The following STK38 variants were observed in gnomAD, a reference collection of about 807,000 sequenced individuals.
STK38 encodes serine/threonine-protein kinase 38.
In STK38, 26 loss-of-function variants were observed where a neutral mutation model predicts 59.0. The observed-to-expected ratio is 0.44, with a 90% CI of 0.32 to 0.61. The LOEUF (loss-of-function observed/expected upper bound fraction) is 0.61, where lower values mean the gene tolerates loss of function less well. Among genes scored for constraint, STK38 ranks in the 20% least tolerant of loss-of-function variants. The pLI is 0.04. For missense variants in STK38, 433 were observed against 566.0 expected (o/e 0.76, Z 2.38); for synonymous variants, 175 against 176.6 (o/e 0.99, Z 0.07).
At chr6:36,529,135 C>A (rs2267925) in intron 2 of STK38, among the ~76,000 whole-genome samples, 1 of 151,876 alleles carries the variant, frequency 6.6e-6, no homozygotes, top group Non-Finnish European at 1.5e-5. Context: ...GAGATGACAT[C>A]AAAGGAATTA....
intron 7 of STK38, among the ~76,000 whole-genome samples, chr6:36,513,276 C>A (rs1777156461): frequency 6.6e-6 from 1 of 151,262 alleles, no homozygotes; most frequent in African/African-American, 2.4e-5. Context: ...CCTTGGCCTC[C>A]CAAAGTGCTG....
intron 8 of STK38, among the ~76,000 whole-genome samples, chr6:36,506,991 C>T (rs145251302): frequency 1.3e-5 from 2 of 152,240 alleles, no homozygotes; most frequent in African/African-American, 4.8e-5. Flanking sequence ...CTCAAAATTA[C>T]CATCAATTTT....
chr6:36,538,857 A>G (rs1777860288), intron 2 of STK38, among the ~76,000 whole-genome samples: 2 of 136,018 alleles, frequency 1.5e-5, no homozygotes, highest in African/African-American at 2.8e-5. Flanking sequence ...ACGCCACTAC[A>G]CTCCAGCCTG....
chr6:36,523,530 G>A lies in STK38; in HGVS notation c.306+811C>T, dbSNP rs1005446936. On this transcript the variant is annotated intron_variant, in intron 4 of 13. Coordinates refer to ENST00000229812, the MANE Select transcript of STK38 (RefSeq NM_007271.4). Reference sequence around the variant, plus strand: ...CCGCCTTGGCCTCCCAAAGTGCTGAGATTACAGGAGTGAGCCACCGTGCCT... The same window carrying A: ...CCGCCTTGGCCTCCCAAAGTGCTGAAATTACAGGAGTGAGCCACCGTGCCT... Among the ~76,000 whole-genome samples the A allele has an allele frequency of 6.0e-5, 9 of 149,064 alleles. No individual in the cohort carries two copies. The South Asian group carries it at 1.9e-3, about 32-fold the overall frequency.
At chr6:36,538,226 C>T (rs1777844830) in intron 2 of STK38, among the ~76,000 whole-genome samples, 1 of 151,826 alleles carries the variant, frequency 6.6e-6, no homozygotes, top group Non-Finnish European at 1.5e-5. Flanking sequence ...ATGGCGTGAA[C>T]CTGGGAGGCG....
chr6:36,522,107 C>T (rs771946315), intron 4 of STK38: 35 of 221,184 alleles, frequency 1.6e-4, no homozygotes, highest in Admixed American at 4.7e-4. Context: ...TTTAAGGACT[C>T]GTTACACCTC....
intron 7 of STK38, among the ~76,000 whole-genome samples, chr6:36,509,910 A>G (rs965042502): frequency 6.6e-6 from 1 of 152,206 alleles, no homozygotes; most frequent in East Asian, 1.9e-4. Context: ...TCGTCTGACC[A>G]TCTGCCAGAG....
intron 9 of STK38, among the ~76,000 whole-genome samples, chr6:36,502,988 A>G (rs1776875806): frequency 6.6e-6 from 1 of 152,206 alleles, no homozygotes; most frequent in Non-Finnish European, 1.5e-5. Context: ...CTATTCCAGA[A>G]TGTAACTGTT....
intron 10 of STK38, among the ~76,000 whole-genome samples, chr6:36,498,979 T>C (rs1321776906): frequency 6.6e-6 from 1 of 152,016 alleles, no homozygotes; most frequent in Non-Finnish European, 1.5e-5. Context: ...TCCCAGAAAA[T>C]ACCTAAACCT....
intron 7 of STK38, among the ~76,000 whole-genome samples, chr6:36,511,936 G>A (rs1777120848): frequency 6.6e-6 from 1 of 152,010 alleles, no homozygotes; most frequent in African/African-American, 2.4e-5. Flanking sequence ...GTGCACGCCT[G>A]TAATCCCACC....
chr6:36,496,294 G>A (rs1175248946), intron 13 of STK38, among the ~76,000 whole-genome samples: 8 of 151,926 alleles, frequency 5.3e-5, no homozygotes, highest in Admixed American at 4.6e-4. Context: ...TGCCCACCTC[G>A]GCCTCCCAAA....
chr6:36,524,604 C>A (rs1285669669), intron 3 of STK38, 141 bp from the exon 4 acceptor site: 23 of 805,182 alleles, frequency 2.9e-5, no homozygotes, highest in Non-Finnish European at 4.1e-5. Flanking sequence ...GAAATCACCC[C>A]AGAAGGATCC....
At position 36,499,928 on chromosome 6, in the gene STK38, G is replaced by A. The variant is rs1468579171; in HGVS notation, c.897C>T (p.Tyr299=). ...IAPEVFMQTG[Y]NKLCDWWSLG... is the part of the protein sequence containing the mutation. Reference sequence around the variant, plus strand: ...GCGACCACCAATCACAGAGCTTGTTGTACCCGGTCTGCATGAACACCTCAG... The same window carrying A: ...GCGACCACCAATCACAGAGCTTGTTATACCCGGTCTGCATGAACACCTCAG... Residue 299 remains tyrosine, a synonymous_variant, in exon 10 of 14, where the codon TAC becomes TAT. Coordinates refer to ENST00000229812, the MANE Select transcript of STK38 (RefSeq NM_007271.4). 1 of 1,613,980 alleles carries A rather than the reference G, an allele frequency of 6.2e-7. No homozygotes were observed. The highest frequency in any genetic ancestry group is 1.3e-5 in the African/African-American group (1 of 74,900).
At chr6:36,516,692 C>T (rs750063830) in intron 6 of STK38, among the ~76,000 whole-genome samples, 2 of 152,212 alleles carry the variant, frequency 1.3e-5, no homozygotes, top group African/African-American at 4.8e-5. Context: ...GGTAGCTATA[C>T]GGCCTTAGTT....
At chr6:36,521,657 A>G in intron 5 of STK38, 77 bp downstream of exon 5, 1 of 1,048,130 alleles carries the variant, frequency 9.5e-7, no homozygotes, top group Non-Finnish European at 1.4e-6. Flanking sequence ...AAAAATATAT[A>G]TTTCAATTAA....
chr6:36,504,898 C>CAAAAAAAAAAAAAAAAAAAAAAAAAAAA (rs562032331), intron 9 of STK38, among the ~76,000 whole-genome samples: 1 of 64,072 alleles, frequency 1.6e-5, no homozygotes, highest in Non-Finnish European at 3.0e-5. Flanking sequence ...TCCTGGCCTC[C>CAAAAAAAAAAAAAAAAAAAAAAAAAAAA]AAAAAAAAAA....
chr6:36,538,827 T>C (rs930205374), intron 2 of STK38, among the ~76,000 whole-genome samples: 6 of 131,924 alleles, frequency 4.5e-5, no homozygotes, highest in African/African-American at 1.8e-4. Flanking sequence ...AGGAGGCAGA[T>C]GATGCAGTGA....
intron 8 of STK38, 81 bp downstream of exon 8, chr6:36,507,419 C>A: frequency 9.0e-7 from 1 of 1,111,142 alleles, no homozygotes; most frequent in Non-Finnish European, 1.4e-6. Flanking sequence ...AATCTCCTAT[C>A]TGTTCTAATT....
At chr6:36,516,707 G>A (rs1777262891) in intron 6 of STK38, among the ~76,000 whole-genome samples, 1 of 152,188 alleles carries the variant, frequency 6.6e-6, no homozygotes, top group South Asian at 2.1e-4. Context: ...TTAGTTCTGT[G>A]GCTCAGGAGA....
Sources: allele counts gnomAD v4.1 joint callset (sites outside exome capture counted in the v4.1 genomes callset), GRCh38; gene constraint gnomAD v4.1.1; transcripts MANE v1.5; gene names NCBI Gene and HGNC (gene_info 2026-07-23, HGNC 2026-07-21).